VPS13A: variants seen among roughly 807,000 people sequenced by gnomAD.
The protein encoded by VPS13A is vacuolar protein sorting 13 homolog A, also known as intermembrane lipid transfer protein VPS13A.
In VPS13A, 264 loss-of-function variants were observed where a neutral mutation model predicts 390.9. The ratio of observed to expected loss-of-function variants is 0.68; its 90% confidence interval spans 0.61 to 0.75. The LOEUF (loss-of-function observed/expected upper bound fraction) is 0.75, where lower values mean the gene tolerates loss of function less well. Among genes scored for constraint, VPS13A ranks in the 30% least tolerant of loss-of-function variants. The pLI is 0.00. For missense variants in VPS13A, 3,409 were observed against 3,733.9 expected, an observed-to-expected ratio of 0.91 and a Z score of 2.27; for synonymous variants, 1,231 against 1,227.1, an observed-to-expected ratio of 1.00 and a Z score of -0.07.
chr9:77,252,752 G>A (rs1020080470), intron 22 of VPS13A, among the ~76,000 whole-genome samples: 1 of 152,126 alleles, frequency 6.6e-6, no homozygotes, highest in Admixed American at 6.5e-5. Context: ...ATCAGATTTT[G>A]TGTGCCTGGG....
At chr9:77,409,807 A>G (rs913500895) in intron 71 of VPS13A, among the ~76,000 whole-genome samples, 2 of 151,350 alleles carry the variant, frequency 1.3e-5, no homozygotes, top group African/African-American at 4.9e-5. Context: ...AAAAGACCAA[A>G]TCTACGTCTG....
In VPS13A at chr9:77,209,307, A is replaced by G. The variant is rs185876418; in HGVS notation, c.386-116A>G. On this transcript the variant is annotated intron_variant, in intron 5 of 71. Transcript: ENST00000360280. ...TTGGAAAGCAAGCTATTAGTGTTCT[A>G]TTTACATATATATGTATATTTCAGC... 2.6e-5 allele frequency: 19 copies of G among 720,110 alleles called. 1 individual carries two copies. The highest frequency in any genetic ancestry group is 2.4e-4 in the South Asian group (14 of 57,328). The allele number at this position is 720,110 out of a possible 1,614,324, so 44.6% of individuals were successfully genotyped here. A position where few individuals can be genotyped will look rare whatever the true frequency, so the allele number is the denominator to read the frequency against.
rs1826936558 is a variant in VPS13A at position 77,280,175 on chromosome 9, A to G, written c.2841A>G (p.Pro947=). The change falls in exon 27 of 72, where the codon CCA becomes CCG. Residue 947 remains proline, a synonymous_variant. Transcript: ENST00000360280. ...CPEYLDENKK[P]VYLVTTLDNT... The stretch of plus-strand genomic sequence containing the variant: ...TATTTTTAGATGAAAACAAGAAACC[A>G]GTTTATTTGGTTACAACCCTGGATA... 4 of 1,610,506 alleles carry G rather than the reference A, an allele frequency of 2.5e-6. No individual in the cohort carries two copies. The highest frequency in any genetic ancestry group is 3.4e-6 in the Non-Finnish European group (4 of 1,178,436).
At chr9:77,193,507 A>C (rs552260087) in intron 1 of VPS13A, among the ~76,000 whole-genome samples, 1 of 152,220 alleles carries the variant, frequency 6.6e-6, no homozygotes, top group South Asian at 2.1e-4. Flanking sequence ...GGTGGTGGGC[A>C]CCTGTAATCC....
At chr9:77,338,644 A>G (rs1009667021) in intron 47 of VPS13A, 3 of 152,220 alleles carry the variant, frequency 2.0e-5, no homozygotes, top group South Asian at 2.1e-4. Context: ...TATTTTGTGG[A>G]ATATTATTTA....
At chr9:77,254,089 G>A (rs951257996) in intron 22 of VPS13A, among the ~76,000 whole-genome samples, 7 of 151,388 alleles carry the variant, frequency 4.6e-5, no homozygotes, top group Admixed American at 1.3e-4. Context: ...GACTACAGGC[G>A]CCCGCCACCA....
In VPS13A at chr9:77,228,111, A is replaced by G. The variant is rs1260521358; in HGVS notation, c.1453-11A>G. On this transcript the variant is annotated splice_polypyrimidine_tract_variant and intron_variant, in intron 16 of 71. Coordinates refer to ENST00000360280, the MANE Select transcript of VPS13A (RefSeq NM_033305.3). ...ATATGTTTTCATTTTATTCTTCTGA[A>G]TATACCTTAGTTTGAAGCCTTGAAG... The G allele has an allele frequency of 1.9e-6, 3 of 1,572,042 alleles. No individual in the cohort carries two copies. Among genetic ancestry groups the G allele is most frequent in the African/African-American group, 1.4e-5 (1 of 73,788 alleles).
intron 55 of VPS13A, among the ~76,000 whole-genome samples, 177 bp downstream of exon 55, chr9:77,357,044 G>T (rs1831829873): frequency 6.6e-6 from 1 of 151,968 alleles, no homozygotes; most frequent in African/African-American, 2.4e-5. Flanking sequence ...ATCAGGCTGG[G>T]CGCAGTGGTT....
intron 24 of VPS13A, among the ~76,000 whole-genome samples, chr9:77,274,108 A>AT: frequency 6.6e-6 from 1 of 152,156 alleles, no homozygotes; most frequent in South Asian, 2.1e-4. Flanking sequence ...TTGCAATGGG[A>AT]TTTTTTTGGT....
At chr9:77,217,490 G>A (rs1342592356) in intron 10 of VPS13A, among the ~76,000 whole-genome samples, 2 of 152,104 alleles carry the variant, frequency 1.3e-5, no homozygotes, top group African/African-American at 2.4e-5. Flanking sequence ...AGTCTCCAGT[G>A]ACTGTCATTC....
At chr9:77,268,429 G>A (rs1306392921) in intron 23 of VPS13A, among the ~76,000 whole-genome samples, 1 of 152,040 alleles carries the variant, frequency 6.6e-6, no homozygotes, top group African/African-American at 2.4e-5. Context: ...TGTGCTTCCG[G>A]GGTGAGGCAA....
At chr9:77,305,237 C>G (rs188090529) in intron 34 of VPS13A, among the ~76,000 whole-genome samples, 1 of 151,940 alleles carries the variant, frequency 6.6e-6, no homozygotes, top group Non-Finnish European at 1.5e-5. Flanking sequence ...CACGCCTGGC[C>G]GAGATTTCAG....
chr9:77,414,634 ATG>A, intron 71 of VPS13A, among the ~76,000 whole-genome samples: 1 of 152,136 alleles, frequency 6.6e-6, no homozygotes, highest in East Asian at 1.9e-4. Context: ...GATATACCTA[ATG>A]TTAAATGACG....
chr9:77,281,845 G>C, intron 27 of VPS13A, 22 bp from the exon 28 acceptor site: 1 of 1,557,178 alleles, frequency 6.4e-7, no homozygotes, highest in Non-Finnish European at 8.9e-7. Flanking sequence ...TGTTCTAACA[G>C]ATTTGTTTTC....
chr9:77,314,214 T>A, intron 36 of VPS13A, 95 bp downstream of exon 36: 1 of 1,370,806 alleles, frequency 7.3e-7, no homozygotes, highest in African/African-American at 1.4e-5. Flanking sequence ...TAACATTTAT[T>A]TTGTAGTATC....
chr9:77,287,804 G>T lies in VPS13A; in HGVS notation c.3339+4154G>T, dbSNP rs144545803. Among the ~76,000 whole-genome samples the T allele has an allele frequency of 4.3e-3, 650 of 152,244 alleles. 4 individuals carry two copies. Among genetic ancestry groups the T allele is most frequent in the South Asian group, 1.0e-2 (48 of 4,806 alleles). ...GGAAGGTGCTTGCTATATTCTGGGA[G>T]GTTTTAGGGCCCTCAGTAACCTTTG... On this transcript the variant is annotated intron_variant, in intron 31 of 71. Transcript: ENST00000360280.
chr9:77,216,326 A>G (rs530700884), intron 10 of VPS13A, among the ~76,000 whole-genome samples: 14 of 152,296 alleles, frequency 9.2e-5, no homozygotes, highest in African/African-American at 3.4e-4. Flanking sequence ...CGAAGGGGGA[A>G]TGAAGGGTTT....
At chr9:77,395,556 T>C (rs1448712219) in intron 68 of VPS13A, among the ~76,000 whole-genome samples, 1 of 152,216 alleles carries the variant, frequency 6.6e-6, no homozygotes, top group Non-Finnish European at 1.5e-5. Context: ...ATGGTGCCTG[T>C]AGACTTGCTT....
chr9:77,274,639 A>T (rs1369310714), intron 24 of VPS13A, among the ~76,000 whole-genome samples: 1 of 152,056 alleles, frequency 6.6e-6, no homozygotes, highest in African/African-American at 2.4e-5. Context: ...ATTTACATAT[A>T]AAAATATATA....
Sources: allele counts gnomAD v4.1 joint callset (sites outside exome capture counted in the v4.1 genomes callset), GRCh38; gene constraint gnomAD v4.1.1; transcripts MANE v1.5; gene names NCBI Gene and HGNC (gene_info 2026-07-23, HGNC 2026-07-21).